DZANK1: variants seen among roughly 807,000 people sequenced by gnomAD.
DZANK1 encodes double zinc ribbon and ankyrin repeat domains 1.
A neutral mutation model predicts 94.5 loss-of-function variants in DZANK1; 91 were observed. The observed-to-expected ratio is 0.96, with a 90% CI of 0.81 to 1.15. The LOEUF (loss-of-function observed/expected upper bound fraction) is 1.15, where lower values mean the gene tolerates loss of function less well. DZANK1 is among the 50% of genes most tolerant of loss of function. The probability of loss-of-function intolerance (pLI) is 0.00; values close to 1 mark genes in which losing one functional copy is unlikely to be tolerated. For missense variants in DZANK1, 903 were observed against 916.4 expected, an observed-to-expected ratio of 0.99 and a Z score of 0.19; for synonymous variants, 312 against 325.3, an observed-to-expected ratio of 0.96 and a Z score of 0.44.
chr20:18,452,305 G>A (rs1165707866), intron 6 of DZANK1, among the ~76,000 whole-genome samples: 1 of 152,156 alleles, frequency 6.6e-6, no homozygotes, highest in East Asian at 1.9e-4. Context: ...TGATGCTGAT[G>A]CTGCAGGTCT....
intron 8 of DZANK1, among the ~76,000 whole-genome samples, chr20:18,439,642 AT>A (rs1329711543): frequency 6.6e-6 from 1 of 152,190 alleles, no homozygotes; most frequent in Non-Finnish European, 1.5e-5. Context: ...AAATAGCAGC[AT>A]CCCCCACGAT....
chr20:18,392,794 C>T (rs569800710), intron 17 of DZANK1, among the ~76,000 whole-genome samples: 1 of 152,038 alleles, frequency 6.6e-6, no homozygotes, highest in South Asian at 2.1e-4. Flanking sequence ...GGAAACCAAA[C>T]CAAACCAAAC....
At chr20:18,452,860 GAAGT>G (rs1358276439) in intron 5 of DZANK1, 121 bp from the exon 6 acceptor site, 1 of 1,037,714 alleles carries the variant, frequency 9.6e-7, no homozygotes, top group East Asian at 2.7e-5. Context: ...TGCTTCCCTA[GAAGT>G]AACAATTATA....
chr20:18,415,380 A>C, exon 11 of DZANK1: 2 of 1,596,832 alleles, frequency 1.3e-6, no homozygotes, highest in Non-Finnish European at 1.7e-6. Flanking sequence ...CAGCGACCAC[A>C]TCTGTAGCAG....
At position 18,452,690 on chromosome 20, in the gene DZANK1, G is replaced by C. The variant is rs6111970; in HGVS notation, c.476-8C>G. 6.7e-3 allele frequency: 10,816 copies of C among 1,606,944 alleles called. 525 individuals carry two copies. The African/African-American group carries it at 0.12, about 17-fold the overall frequency. ...GGATTTCCAATGGACTCTCTGAAAA[G>C]TGAAGATCTTTCAAAGTTTTAGGGT... On this transcript the variant is annotated splice_polypyrimidine_tract_variant and splice_region_variant and intron_variant, in intron 5 of 20. Coordinates refer to ENST00000262547, the Ensembl canonical transcript of DZANK1.
chr20:18,415,606 G>A (rs1297961465), intron 10 of DZANK1, among the ~76,000 whole-genome samples, 157 bp from the exon 11 acceptor site: 2 of 152,044 alleles, frequency 1.3e-5, no homozygotes, highest in Non-Finnish European at 2.9e-5. Flanking sequence ...AAGGAGTACA[G>A]CTATGATGAG....
rs998562331 is a variant in DZANK1 at position 18,408,113 on chromosome 20, C to T, written c.1432+4533G>A. Among the ~76,000 whole-genome samples the T allele has an allele frequency of 3.3e-5, 5 of 152,206 alleles. No individual in the cohort carries two copies. The East Asian group carries it at 7.7e-4, about 24-fold the overall frequency. On this transcript the variant is annotated intron_variant, in intron 13 of 20. Coordinates refer to ENST00000262547, the Ensembl canonical transcript of DZANK1. Reference sequence around the variant, plus strand: ...GGTGGATCATTTGAGATCAGGAGCTCGAGACCAGCCTGGCCAACAGGGTGA... The same window carrying T: ...GGTGGATCATTTGAGATCAGGAGCTTGAGACCAGCCTGGCCAACAGGGTGA...
chr20:18,418,371 T>C (rs530783648), intron 10 of DZANK1, among the ~76,000 whole-genome samples: 1 of 152,290 alleles, frequency 6.6e-6, no homozygotes, highest in East Asian at 1.9e-4. Context: ...AGATCTTCTC[T>C]GTGTATTCAG....
At chr20:18,394,967 C>T (rs757892940) in intron 15 of DZANK1, 26 of 437,702 alleles carry the variant, frequency 5.9e-5, no homozygotes, top group Admixed American at 1.2e-4. Flanking sequence ...TGTGTGCACC[C>T]GGACTGATCC....
At chr20:18,416,170 G>A (rs1369927920) in intron 10 of DZANK1, among the ~76,000 whole-genome samples, 1 of 152,102 alleles carries the variant, frequency 6.6e-6, no homozygotes, top group Non-Finnish European at 1.5e-5. Context: ...GAGAGCTTGG[G>A]GACACAGAGA....
At chr20:18,429,337 G>A (rs2058187314) in intron 9 of DZANK1, among the ~76,000 whole-genome samples, 1 of 152,124 alleles carries the variant, frequency 6.6e-6, no homozygotes, top group African/African-American at 2.4e-5. Flanking sequence ...ATCCAAAACT[G>A]CTTCTCATAA....
At position 18,448,969 on chromosome 20, in the gene DZANK1, G is replaced by C. The variant is rs984897545; in HGVS notation, c.629+15C>G. 23 of 1,597,168 alleles carry C rather than the reference G, an allele frequency of 1.4e-5. No individual in the cohort carries two copies. Among genetic ancestry groups the C allele is most frequent in the Admixed American group, 3.3e-5 (2 of 59,758 alleles). Reference sequence around the variant, plus strand: ...TGTAGGATTTAAGGCAGAGTAAAGAGAATGTGATACTTACTTGAGAAAGTC... The same window carrying C: ...TGTAGGATTTAAGGCAGAGTAAAGACAATGTGATACTTACTTGAGAAAGTC... On this transcript the variant is annotated intron_variant, in intron 7 of 20. Transcript: ENST00000262547.
intron 10 of DZANK1, among the ~76,000 whole-genome samples, chr20:18,423,912 GAATA>G (rs113318061): frequency 0.35 from 53,292 of 151,204 alleles, 10,294 homozygotes; most frequent in Middle Eastern, 0.45. Context: ...AAAGAAAAGA[GAATA>G]AATAAAGAGC....
chr20:18,400,279 T>C (rs2056599512), intron 13 of DZANK1, among the ~76,000 whole-genome samples: 1 of 152,164 alleles, frequency 6.6e-6, no homozygotes, highest in Non-Finnish European at 1.5e-5. Context: ...AGAACGAATG[T>C]GTTAAAAACT....
chr20:18,433,555 A>AC, intron 9 of DZANK1, 97 bp downstream of exon 9: 1 of 1,172,232 alleles, frequency 8.5e-7, no homozygotes, highest in Non-Finnish European at 1.2e-6. Flanking sequence ...AAAAAAAAAA[A>AC]ATTGTTACCC....
intron 19 of DZANK1, among the ~76,000 whole-genome samples, chr20:18,386,563 T>C (rs1316378094): frequency 1.3e-5 from 2 of 152,056 alleles, no homozygotes; most frequent in Admixed American, 6.6e-5. Context: ...GATTATTCAA[T>C]AGGAAGAATG....
chr20:18,458,798 C>G (rs1232623923), intron 3 of DZANK1, among the ~76,000 whole-genome samples: 2 of 152,202 alleles, frequency 1.3e-5, no homozygotes, highest in Non-Finnish European at 2.9e-5. Context: ...AGGCCTGGCT[C>G]ATATCCACCT....
exon 16 of DZANK1, chr20:18,394,267 G>A: frequency 6.2e-7 from 1 of 1,613,482 alleles, no homozygotes; most frequent in East Asian, 2.2e-5. Context: ...AGCTGGACCT[G>A]CTGCCGCACA....
intron 17 of DZANK1, among the ~76,000 whole-genome samples, 168 bp from the exon 18 acceptor site, chr20:18,390,627 T>A (rs568817312): frequency 7.9e-5 from 12 of 152,302 alleles, no homozygotes; most frequent in African/African-American, 2.9e-4. Flanking sequence ...AATATCCACA[T>A]CTAATATCAA....
Sources: allele counts gnomAD v4.1 joint callset (sites outside exome capture counted in the v4.1 genomes callset), GRCh38; gene constraint gnomAD v4.1.1; transcripts MANE v1.5; gene names NCBI Gene and HGNC (gene_info 2026-07-23, HGNC 2026-07-21).